NET1: variants seen among roughly 807,000 people sequenced by gnomAD.
NET1 encodes the protein neuroepithelial cell transforming 1, also known as neuroepithelial cell-transforming gene 1 protein.
In NET1, 42 loss-of-function variants were observed where a neutral mutation model predicts 61.1. That is an observed-to-expected ratio of 0.69 (90% CI 0.54 to 0.89). The LOEUF (loss-of-function observed/expected upper bound fraction) is 0.89. Among genes scored for constraint, NET1 ranks in the 40% least tolerant of loss-of-function variants. The pLI, the probability that NET1 is intolerant of heterozygous loss-of-function variation, is 0.00. For missense variants in NET1, 654 were observed against 747.3 expected (o/e 0.88, Z 1.46); for synonymous variants, 254 against 281.8 (o/e 0.90, Z 0.99).
rs554503409 is a variant in NET1, at chr10:5,458,086, G to T, written c.*1092G>T. ...TGAGGGCGTGTAGTAAGTTGTAGAA[G>T]GCTCGAGGGGACGTGGACTTATTTG... On this transcript the variant is annotated 3_prime_UTR_variant, in exon 12 of 12. Coordinates refer to ENST00000355029, the MANE Select transcript of NET1 (RefSeq NM_001047160.3). This position sits in a 1 kb window ranked among gnomAD's most constrained non-coding sequence, Gnocchi z 4.5. The T allele has an allele frequency of 6.6e-6, 1 of 152,252 alleles. No homozygotes were observed. The highest frequency in any genetic ancestry group is 6.5e-5 in the Admixed American group (1 of 15,292). 9.4% of individuals were successfully genotyped at this position (152,252 alleles called of 1,614,324 possible). A position where few individuals can be genotyped will look rare whatever the true frequency, so the allele number is the denominator to read the frequency against.
chr10:5,412,664 G>A lies in NET1; in HGVS notation c.-29G>A, dbSNP rs1832013178. 1.4e-6 allele frequency: 2 copies of A among 1,453,186 alleles called. No individual in the cohort carries two copies. The highest frequency in any genetic ancestry group is 1.8e-6 in the Non-Finnish European group (2 of 1,114,772). The allele number at this position is 1,453,186 out of a possible 1,614,324, so 90.0% of individuals were successfully genotyped here. A position where few individuals can be genotyped will look rare whatever the true frequency, so the allele number is the denominator to read the frequency against. ...GTCCCTGCCGGTCTCCCGGGCACCC[G>A]GCCACCGCCCCACCCCCTCCTCCGT... On this transcript the variant is annotated 5_prime_UTR_variant, in exon 1 of 12. Transcript: ENST00000355029. This position sits in a 1 kb window ranked among gnomAD's most constrained non-coding sequence, Gnocchi z 6.5.
rs750336299 is a variant in NET1, at chr10:5,456,880, C to T, written c.1677C>T (p.Gly559=). Reference sequence around the variant, plus strand: ...AAAACGCTTACAGATGTGGCTCTGGCATGCAGATGGCAGAGGACAGCAAGA... The same window carrying T: ...AAAACGCTTACAGATGTGGCTCTGGTATGCAGATGGCAGAGGACAGCAAGA... ...VDENAYRCGS[G]MQMAEDSKSL... Residue 559 remains glycine (G), a synonymous_variant, in exon 12 of 12, where the codon GGC becomes GGT. Coordinates refer to ENST00000355029, the MANE Select transcript of NET1 (RefSeq NM_001047160.3). This position sits in a 1 kb window ranked among gnomAD's most constrained non-coding sequence, Gnocchi z 7.0. 1.4e-5 allele frequency: 22 copies of T among 1,614,002 alleles called. 1 individual carries two copies. The highest frequency in any genetic ancestry group is 1.3e-4 in the South Asian group (12 of 91,058).
At position 5,421,955 on chromosome 10, in the gene NET1, C is replaced by T. The variant is rs1327162344; in HGVS notation, c.129-4700C>T. ...CATATTCCATTATATGAATATACTA[C>T]ATTTTGTCAACTCCATTTACCAGCT... On this transcript the variant is annotated intron_variant, in intron 1 of 11. Transcript: ENST00000355029. The surrounding 1 kb of genome is among the most constrained non-coding windows in gnomAD (Gnocchi z 4.2). Among the ~76,000 whole-genome samples, 1 of 152,200 alleles carries T rather than the reference C, an allele frequency of 6.6e-6. No homozygotes were observed. Among genetic ancestry groups the T allele is most frequent in the East Asian group, 1.9e-4 (1 of 5,206 alleles).
chr10:5,425,191 C>A (rs1489840449), intron 1 of NET1, among the ~76,000 whole-genome samples: 1 of 152,110 alleles, frequency 6.6e-6, no homozygotes, highest in African/African-American at 2.4e-5. Context: ...AGTATTAATT[C>A]ATCTGTGAAG....
At position 5,421,813 on chromosome 10, in the gene NET1, T is replaced by C. The variant is rs1832177906; in HGVS notation, c.129-4842T>C. On this transcript the variant is annotated intron_variant, in intron 1 of 11. Coordinates refer to ENST00000355029, the MANE Select transcript of NET1 (RefSeq NM_001047160.3). This position sits in a 1 kb window ranked among gnomAD's most constrained non-coding sequence, Gnocchi z 4.2. Reference sequence around the variant, plus strand: ...CCCCAGCCCTAGGCAGCCACTGATCTGCTTTCTAGCTCTATAAATTTCTAT... The same window carrying C: ...CCCCAGCCCTAGGCAGCCACTGATCCGCTTTCTAGCTCTATAAATTTCTAT... Among the ~76,000 whole-genome samples the C allele has an allele frequency of 6.6e-6, 1 of 152,230 alleles. No homozygotes were observed. Among genetic ancestry groups the C allele is most frequent in the Non-Finnish European group, 1.5e-5 (1 of 68,020 alleles).
Position 5,421,096 on chromosome 10 carries a change from C to T in NET1, c.129-5559C>T, listed in dbSNP as rs12412679. Among the ~76,000 whole-genome samples the T allele has an allele frequency of 0.019, 2,918 of 152,224 alleles. 90 individuals are homozygous for T. Among genetic ancestry groups the T allele is most frequent in the Admixed American group, 0.089 (1,355 of 15,288 alleles). On this transcript the variant is annotated intron_variant, in intron 1 of 11. Transcript: ENST00000355029. The surrounding 1 kb of genome is among the most constrained non-coding windows in gnomAD (Gnocchi z 4.2). ...ACTAGAACCCATAGACAAAGAGTAA[C>T]GTTTAAAGATTTTAGGCATTAAAAG...
In NET1 at chr10:5,444,932, TTACCC is replaced by T. The variant is rs1394813141; in HGVS notation, c.256-6897_256-6893del. Among the ~76,000 whole-genome samples, 2 of 152,358 alleles carry T rather than the reference TTACCC, an allele frequency of 1.3e-5. No individual in the cohort carries two copies. Among genetic ancestry groups the T allele is most frequent in the East Asian group, 3.9e-4 (2 of 5,188 alleles). On this transcript the variant is annotated intron_variant, in intron 3 of 11. Transcript: ENST00000355029. This position sits in a 1 kb window ranked among gnomAD's most constrained non-coding sequence, Gnocchi z 5.3. ...CTTATTTCTTGATTTGCACTAACAG[TTACCC>T]CTCCTATTTAAAGAATTGTAGGCGT...
Position 5,454,883 on chromosome 10 carries a change from T to C in NET1, c.1027-65T>C. The C allele has an allele frequency of 6.7e-7, 1 of 1,494,814 alleles. No homozygotes were observed. Among genetic ancestry groups the C allele is most frequent in the Non-Finnish European group, 9.2e-7 (1 of 1,081,336 alleles). The allele number at this position is 1,494,814 out of a possible 1,614,324, so 92.6% of individuals were successfully genotyped here. A position where few individuals can be genotyped will look rare whatever the true frequency, so the allele number is the denominator to read the frequency against. The stretch of plus-strand genomic sequence containing the variant: ...CTTCCATTCCATATGACATTTTTGC[T>C]CTGCAGGAAGCAGAATGAGTTAATA... On this transcript the variant is annotated intron_variant, in intron 9 of 11. Transcript: ENST00000355029. The surrounding 1 kb of genome is among the most constrained non-coding windows in gnomAD (Gnocchi z 8.1).
In NET1 at chr10:5,451,109, C is replaced by T. The variant is rs1832695645; in HGVS notation, c.256-721C>T. ...AGCCATATTATTCATTTAATCTTCA[C>T]AACAACTTCATAAGAGAAGTGCTAC... On this transcript the variant is annotated intron_variant, in intron 3 of 11. Transcript: ENST00000355029. The surrounding 1 kb of genome is among the most constrained non-coding windows in gnomAD (Gnocchi z 6.1). 6.6e-6 allele frequency among the ~76,000 whole-genome samples: 1 copy of T among 152,172 alleles called. No individual in the cohort carries two copies. Among genetic ancestry groups the T allele is most frequent in the African/African-American group, 2.4e-5 (1 of 41,432 alleles).
At position 5,443,114 on chromosome 10, in the gene NET1, A is replaced by AG. The variant is rs1440010736; in HGVS notation, c.256-8716_256-8715insG. On this transcript the variant is annotated intron_variant, in intron 3 of 11. Transcript: ENST00000355029. The surrounding 1 kb of genome is among the most constrained non-coding windows in gnomAD (Gnocchi z 4.8). Reference sequence around the variant, plus strand: ...CTTAGGTCTACTGTTAACTTAGGTCACTAACATATACTGAGCACCTAGTGT... The same window carrying AG: ...CTTAGGTCTACTGTTAACTTAGGTCAGCTAACATATACTGAGCACCTAGTGT... Among the ~76,000 whole-genome samples the AG allele has an allele frequency of 6.6e-6, 1 of 152,176 alleles. No homozygotes were observed. The highest frequency in any genetic ancestry group is 1.9e-4 in the East Asian group (1 of 5,200).
At position 5,420,099 on chromosome 10, in the gene NET1, T is replaced by G. The variant is rs961676774; in HGVS notation, c.129-6556T>G. Among the ~76,000 whole-genome samples the G allele has an allele frequency of 2.0e-5, 3 of 152,218 alleles. No individual in the cohort carries two copies. Among genetic ancestry groups the G allele is most frequent in the African/African-American group, 7.2e-5 (3 of 41,464 alleles). On this transcript the variant is annotated intron_variant, in intron 1 of 11. Transcript: ENST00000355029. This position sits in a 1 kb window ranked among gnomAD's most constrained non-coding sequence, Gnocchi z 5.3. ...CTTCAGCCATTGTTTCTCTGAAGTT[T>G]TTTTCTGCTCTTTTCTCTTTTCCTC...
chr10:5,437,271 A>G lies in NET1; in HGVS notation c.255+8042A>G, dbSNP rs1190761387. On this transcript the variant is annotated intron_variant, in intron 3 of 11. Transcript: ENST00000355029. This position sits in a 1 kb window ranked among gnomAD's most constrained non-coding sequence, Gnocchi z 4.3. ...TACAGTATGTGTAATGACTACAGATATATGATTATCCTGTATATATGCTAT... is the reference window on the plus strand; with the variant it reads ...TACAGTATGTGTAATGACTACAGATGTATGATTATCCTGTATATATGCTAT... Among the ~76,000 whole-genome samples, 1 of 152,184 alleles carries G rather than the reference A, an allele frequency of 6.6e-6. No homozygotes were observed. Among genetic ancestry groups the G allele is most frequent in the Non-Finnish European group, 1.5e-5 (1 of 68,026 alleles).
chr10:5,420,141 A>C lies in NET1; in HGVS notation c.129-6514A>C, dbSNP rs1832148275. ...CTTTTCCTCTCTTTCTGATATTCCC[A>C]TTATGTGTATTTGAAGGGAAATATA... On this transcript the variant is annotated intron_variant, in intron 1 of 11. Transcript: ENST00000355029. This position sits in a 1 kb window ranked among gnomAD's most constrained non-coding sequence, Gnocchi z 5.3. Among the ~76,000 whole-genome samples, 1 of 151,932 alleles carries C rather than the reference A, an allele frequency of 6.6e-6. No homozygotes were observed. Among genetic ancestry groups the C allele is most frequent in the East Asian group, 1.9e-4 (1 of 5,186 alleles).
rs1304831654 is a variant in NET1, at chr10:5,439,923, G to T, written c.255+10694G>T. On this transcript the variant is annotated intron_variant, in intron 3 of 11. Transcript: ENST00000355029. The surrounding 1 kb of genome is among the most constrained non-coding windows in gnomAD (Gnocchi z 4.8). ...CACAGCAACATTCCCAAATATAGCAGATACTGCCTCCAAAAGATGAAGAGT... is the reference window on the plus strand; with the variant it reads ...CACAGCAACATTCCCAAATATAGCATATACTGCCTCCAAAAGATGAAGAGT... Among the ~76,000 whole-genome samples the T allele has an allele frequency of 2.6e-5, 4 of 152,194 alleles. No individual in the cohort carries two copies. In the East Asian group the frequency reaches 7.7e-4, roughly 29 times the overall value.
chr10:5,456,552 C>A lies in NET1; in HGVS notation c.1385-36C>A, dbSNP rs771962235. 6.6e-7 allele frequency: 1 copy of A among 1,505,874 alleles called. No individual in the cohort carries two copies. Among genetic ancestry groups the A allele is most frequent in the Non-Finnish European group, 8.9e-7 (1 of 1,125,498 alleles). 93.3% of individuals were successfully genotyped at this position (1,505,874 alleles called of 1,614,324 possible). On this transcript the variant is annotated intron_variant, in intron 11 of 11. Transcript: ENST00000355029. This position sits in a 1 kb window ranked among gnomAD's most constrained non-coding sequence, Gnocchi z 7.0. ...TTGTCTAGAATAAACCTTTTTTTAGCCTGATTTCTTTTTTTTTTCCAATTT... is the reference window on the plus strand; with the variant it reads ...TTGTCTAGAATAAACCTTTTTTTAGACTGATTTCTTTTTTTTTTCCAATTT...
chr10:5,420,104 C>T lies in NET1; in HGVS notation c.129-6551C>T, dbSNP rs1832147724. On this transcript the variant is annotated intron_variant, in intron 1 of 11. Transcript: ENST00000355029. The surrounding 1 kb of genome is among the most constrained non-coding windows in gnomAD (Gnocchi z 5.3). ...GCCATTGTTTCTCTGAAGTTTTTTTCTGCTCTTTTCTCTTTTCCTCTCTTT... is the reference window on the plus strand; with the variant it reads ...GCCATTGTTTCTCTGAAGTTTTTTTTTGCTCTTTTCTCTTTTCCTCTCTTT... 6.6e-6 allele frequency among the ~76,000 whole-genome samples: 1 copy of T among 152,046 alleles called. No homozygotes were observed. The highest frequency in any genetic ancestry group is 1.5e-5 in the Non-Finnish European group (1 of 67,980).
At position 5,446,757 on chromosome 10, in the gene NET1, T is replaced by C. The variant is rs1253905678; in HGVS notation, c.256-5073T>C. The C allele has an allele frequency of 2.7e-5, 43 of 1,599,166 alleles. No homozygotes were observed. Among genetic ancestry groups the C allele is most frequent in the Non-Finnish European group, 3.6e-5 (42 of 1,171,130 alleles). On this transcript the variant is annotated intron_variant, in intron 3 of 11. Transcript: ENST00000355029. This position sits in a 1 kb window ranked among gnomAD's most constrained non-coding sequence, Gnocchi z 5.0. The stretch of plus-strand genomic sequence containing the variant: ...TGATTGGAAAGGTTTGAGGGAGTAC[T>C]TGGGAAGCATGGTGGCACATGATGA...
At position 5,446,277 on chromosome 10, in the gene NET1, A is replaced by G. The variant is rs1293257398; in HGVS notation, c.256-5553A>G. ...TCAGCCCTATCGAATAAGAATTTCTATTTCCTTATTTGAGTTGTCAAGTTG... is the reference window on the plus strand; with the variant it reads ...TCAGCCCTATCGAATAAGAATTTCTGTTTCCTTATTTGAGTTGTCAAGTTG... On this transcript the variant is annotated intron_variant, in intron 3 of 11. Coordinates refer to ENST00000355029, the MANE Select transcript of NET1 (RefSeq NM_001047160.3). This position sits in a 1 kb window ranked among gnomAD's most constrained non-coding sequence, Gnocchi z 5.0. Among the ~76,000 whole-genome samples the G allele has an allele frequency of 1.3e-5, 2 of 152,124 alleles. No individual in the cohort carries two copies. The highest frequency in any genetic ancestry group is 1.9e-4 in the East Asian group (1 of 5,186).
At chr10:5,436,316 T>G (rs938912016) in intron 3 of NET1, among the ~76,000 whole-genome samples, 4 of 137,982 alleles carry the variant, frequency 2.9e-5, no homozygotes, top group Non-Finnish European at 6.1e-5. Flanking sequence ...TGGAGTGCAA[T>G]GGCTCAATCT....
Sources: allele counts gnomAD v4.1 joint callset (sites outside exome capture counted in the v4.1 genomes callset), GRCh38; gene constraint gnomAD v4.1.1; non-coding constraint Gnocchi (gnomAD v3.1); transcripts MANE v1.5; gene names NCBI Gene and HGNC (gene_info 2026-07-23, HGNC 2026-07-21).